CIROZ: variants seen among roughly 807,000 people sequenced by gnomAD.
CIROZ encodes ciliated left-right organizer ZP-N domains-containing protein.
chr1:10,956,514 C>T, the CIROZ span, among the ~76,000 whole-genome samples: 4 of 149,948 alleles, frequency 2.7e-5, no homozygotes, highest in African/African-American at 9.8e-5. Flanking sequence ...CTCGCTCTGT[C>T]CCCCAGGCTG....
chr1:10,953,339 G>C, the CIROZ span, among the ~76,000 whole-genome samples: 1 of 152,192 alleles, frequency 6.6e-6, no homozygotes, highest in East Asian at 1.9e-4. Flanking sequence ...GCATTTCCTT[G>C]TGCTGTATTT....
the CIROZ span, among the ~76,000 whole-genome samples, chr1:10,951,745 A>AAAAAAAAAAATATATATATATATATATAT: frequency 1.7e-5 from 2 of 119,186 alleles, no homozygotes; most frequent in African/African-American, 3.6e-5. Context: ...AAAAAAAAAA[A>AAAAAAAAAAATATATATATATATATATAT]ATATATATAT....
At chr1:10,958,502 C>T in the CIROZ span, among the ~76,000 whole-genome samples, 3 of 152,204 alleles carry the variant, frequency 2.0e-5, no homozygotes, top group African/African-American at 7.2e-5. Context: ...CAAGATTGTT[C>T]TCAGATGGCC....
the CIROZ span, among the ~76,000 whole-genome samples, chr1:10,972,945 A>C: frequency 0.011 from 1,704 of 148,196 alleles, 43 homozygotes; most frequent in African/African-American, 0.042. Flanking sequence ...ATAAGTAAAA[A>C]TTTAAAATAA....
chr1:10,981,810 G>T, the CIROZ span, among the ~76,000 whole-genome samples: 1 of 152,190 alleles, frequency 6.6e-6, no homozygotes, highest in African/African-American at 2.4e-5. Context: ...AGAAAGGTGG[G>T]AGAGACTGTG....
the CIROZ span, chr1:10,981,994 T>C: frequency 6.5e-7 from 1 of 1,537,186 alleles, no homozygotes; most frequent in African/African-American, 1.4e-5. Context: ...TCCCAATTCC[T>C]GAATAAGGGA....
chr1:10,954,953 G>A, the CIROZ span: 6 of 1,557,962 alleles, frequency 3.9e-6, no homozygotes, highest in Non-Finnish European at 5.2e-6. Context: ...GCCTCAGGAA[G>A]AGAAGGGGCG....
the CIROZ span, among the ~76,000 whole-genome samples, chr1:10,959,089 T>A: frequency 1.3e-5 from 2 of 152,218 alleles, no homozygotes; most frequent in Non-Finnish European, 2.9e-5. This position sits in a 1 kb window ranked among gnomAD's most constrained non-coding sequence, Gnocchi z 4.3. Flanking sequence ...TTCCTAGGCC[T>A]CTTGTCTGTT....
chr1:10,947,390 A>T, the CIROZ span, among the ~76,000 whole-genome samples: 1 of 151,838 alleles, frequency 6.6e-6, no homozygotes, highest in Non-Finnish European at 1.5e-5. Flanking sequence ...CTGCCGCTTC[A>T]CCCCTCCCTC....
the CIROZ span, chr1:10,947,682 GAA>G: frequency 2.6e-6 from 4 of 1,510,356 alleles, no homozygotes; most frequent in South Asian, 5.4e-5. Context: ...GGGCCTCTCA[GAA>G]AGCCCCTCCA....
the CIROZ span, chr1:10,949,313 T>A: frequency 2.9e-5 from 12 of 410,474 alleles, no homozygotes; most frequent in African/African-American, 2.5e-4. Flanking sequence ...CCTCCATTTG[T>A]GTGCATAGCT....
chr1:10,957,530 CACTG>C, the CIROZ span: 3 of 1,548,214 alleles, frequency 1.9e-6, no homozygotes, highest in South Asian at 3.7e-5. Flanking sequence ...TTTGACTTGT[CACTG>C]GAGGGGTGGC....
the CIROZ span, chr1:10,947,862 G>T: frequency 2.5e-6 from 4 of 1,608,668 alleles, no homozygotes; most frequent in Non-Finnish European, 3.4e-6. Flanking sequence ...CAGGGTTTGC[G>T]TGGATGGAGG....
chr1:10,952,404 T>G, the CIROZ span, among the ~76,000 whole-genome samples: 1 of 152,198 alleles, frequency 6.6e-6, no homozygotes, highest in African/African-American at 2.4e-5. Context: ...TATACTGTAC[T>G]CTGTATCTTC....
chr1:10,957,598 C>T, the CIROZ span: 1 of 1,613,126 alleles, frequency 6.2e-7, no homozygotes, highest in Non-Finnish European at 8.5e-7. Context: ...CTGGCAGAGC[C>T]TGCTGCCCAC....
At chr1:10,980,469 A>G in the CIROZ span, among the ~76,000 whole-genome samples, 3 of 152,238 alleles carry the variant, frequency 2.0e-5, no homozygotes, top group Admixed American at 1.3e-4. Context: ...AGGCGCTATT[A>G]TTAGTTGATT....
At chr1:10,955,777 G>C in the CIROZ span, among the ~76,000 whole-genome samples, 1 of 150,512 alleles carries the variant, frequency 6.6e-6, no homozygotes, top group African/African-American at 2.4e-5. Context: ...CCTGGAGGTG[G>C]AGGTTGCAAT....
At chr1:10,953,122 T>A in the CIROZ span, among the ~76,000 whole-genome samples, 2 of 152,236 alleles carry the variant, frequency 1.3e-5, no homozygotes, top group African/African-American at 2.4e-5. Flanking sequence ...AATTTGGGGC[T>A]AGCTGTGGTA....
At chr1:10,973,097 G>A in the CIROZ span, among the ~76,000 whole-genome samples, 8,209 of 152,300 alleles carry the variant, frequency 0.054, 744 homozygotes, top group African/African-American at 0.19. Flanking sequence ...GTCAGGCCAG[G>A]TGCAGTGGCT....
Sources: gnomAD v4.1 joint callset for allele counts (sites outside exome capture counted in the v4.1 genomes callset) on GRCh38, gnomAD v4.1.1 for gene constraint, Gnocchi (gnomAD v3.1) non-coding constraint, MANE v1.5 for transcripts, NCBI Gene and HGNC (gene_info 2026-07-23, HGNC 2026-07-21) for gene names.